The following CDK14 variants were observed in gnomAD, a reference collection of about 807,000 sequenced individuals.
CDK14 encodes cyclin-dependent kinase 14.
In CDK14, 34 loss-of-function variants were observed where a neutral mutation model predicts 60.7. The observed-to-expected ratio is 0.56, with a 90% CI of 0.43 to 0.75. CDK14 has a LOEUF of 0.75. Ranked by LOEUF, CDK14 falls within the 30% of genes least tolerant of loss-of-function variation. CDK14 has a pLI of 0.00. For missense variants in CDK14, 482 were observed against 564.1 expected, an observed-to-expected ratio of 0.85 and a Z score of 1.47; for synonymous variants, 197 against 203.7, an observed-to-expected ratio of 0.97 and a Z score of 0.28.
chr7:91,173,673 C>A (rs1198654676), intron 14 of CDK14, among the ~76,000 whole-genome samples: 11 of 152,200 alleles, frequency 7.2e-5, no homozygotes, highest in African/African-American at 2.7e-4. Flanking sequence ...AGTTCCCTTT[C>A]TGAGTCAAAG....
chr7:91,057,726 CA>C (rs1797628479), intron 11 of CDK14, among the ~76,000 whole-genome samples: 1 of 152,150 alleles, frequency 6.6e-6, no homozygotes, highest in African/African-American at 2.4e-5. Flanking sequence ...AGATATGCGA[CA>C]TTATTTCTGA....
intron 2 of CDK14, among the ~76,000 whole-genome samples, chr7:90,668,112 T>G (rs1195432503): frequency 6.6e-6 from 1 of 152,196 alleles, no homozygotes; most frequent in Admixed American, 6.5e-5. Flanking sequence ...TTTTCCAAAG[T>G]GATTGCAACA....
At chr7:90,687,441 T>C (rs1349258944) in intron 2 of CDK14, among the ~76,000 whole-genome samples, 2 of 152,084 alleles carry the variant, frequency 1.3e-5, no homozygotes, top group Non-Finnish European at 2.9e-5. Context: ...TTTAGAAGGC[T>C]ACGAAGGGTG....
chr7:91,060,334 T>C (rs924048554), intron 11 of CDK14, among the ~76,000 whole-genome samples: 2 of 151,862 alleles, frequency 1.3e-5, no homozygotes, highest in African/African-American at 4.8e-5. Context: ...AGCACACTAA[T>C]GGGTCTTGAC....
At chr7:90,797,779 C>A (rs969834465) in intron 5 of CDK14, among the ~76,000 whole-genome samples, 2 of 151,828 alleles carry the variant, frequency 1.3e-5, no homozygotes, top group African/African-American at 4.9e-5. Flanking sequence ...GTCCTATACA[C>A]TCTTAAACAA....
intron 2 of CDK14, among the ~76,000 whole-genome samples, chr7:90,657,149 A>G (rs1800769560): frequency 6.6e-6 from 1 of 152,198 alleles, no homozygotes; most frequent in Non-Finnish European, 1.5e-5. Flanking sequence ...TTCAATAGTA[A>G]GAGACTATCA....
rs1271226282 is a variant in CDK14, at chr7:90,778,842, ACCGACCTT to A, written c.465-11728_465-11721del. ...CCTTTCCTGTGGAATGTAAAAATTG[ACCGACCTT>A]CCTTCCTTCCTTCCTTCCTTCCTTC... On this transcript the variant is annotated intron_variant, in intron 4 of 14. Transcript: ENST00000380050. Among the ~76,000 whole-genome samples the A allele has an allele frequency of 5.2e-5, 7 of 134,882 alleles. 1 individual carries two copies. Among genetic ancestry groups the A allele is most frequent in the African/African-American group, 1.7e-4 (6 of 35,754 alleles). 88.5% of individuals were successfully genotyped at this position (134,882 alleles called of 152,430 possible).
chr7:90,705,764 T>G (rs1164633518), intron 2 of CDK14, among the ~76,000 whole-genome samples: 1 of 151,358 alleles, frequency 6.6e-6, no homozygotes, highest in Non-Finnish European at 1.5e-5. Flanking sequence ...TCGATTTTGA[T>G]GCTAAAAAGA....
rs372594131 is a variant in CDK14, at chr7:90,867,325, T to C, written c.639+4056T>C. Among the ~76,000 whole-genome samples the C allele has an allele frequency of 3.3e-5, 5 of 152,330 alleles. No individual in the cohort carries two copies. In the South Asian group the frequency reaches 6.2e-4, roughly 19 times the overall value. On this transcript the variant is annotated intron_variant, in intron 6 of 14. Coordinates refer to ENST00000380050, the MANE Select transcript of CDK14 (RefSeq NM_001287135.2). ...TTGTGAAAGTTCTAACAAATTTTTC[T>C]TCTACTTAAACAGAAAGTTAAGCAA...
intron 9 of CDK14, among the ~76,000 whole-genome samples, chr7:90,974,475 G>A (rs567853037): frequency 2.0e-5 from 3 of 152,234 alleles, no homozygotes; most frequent in Non-Finnish European, 4.4e-5. Context: ...CACAATTTAT[G>A]TTCTTCTGCC....
chr7:90,832,894 TCA>T (rs1183637537), intron 5 of CDK14, among the ~76,000 whole-genome samples: 1 of 152,186 alleles, frequency 6.6e-6, no homozygotes, highest in Non-Finnish European at 1.5e-5. Context: ...GATGAGAAAG[TCA>T]CATGGCTAGG....
intron 14 of CDK14, among the ~76,000 whole-genome samples, chr7:91,120,905 TA>T (rs1799764772): frequency 6.6e-6 from 1 of 152,124 alleles, no homozygotes; most frequent in African/African-American, 2.4e-5. Context: ...TGATTCAATA[TA>T]ATGCTGAGGA....
intron 6 of CDK14, among the ~76,000 whole-genome samples, chr7:90,867,604 A>G (rs573513237): frequency 9.2e-5 from 14 of 152,292 alleles, no homozygotes; most frequent in Admixed American, 3.3e-4. Flanking sequence ...TAGAATTGTG[A>G]TTACCAGGGA....
intron 2 of CDK14, among the ~76,000 whole-genome samples, chr7:90,612,121 G>A (rs918951283): frequency 6.6e-6 from 1 of 151,932 alleles, no homozygotes; most frequent in African/African-American, 2.4e-5. Context: ...GGGTGAGCCA[G>A]CACACCTGGC....
At chr7:91,115,888 T>C (rs1302245226) in intron 13 of CDK14, among the ~76,000 whole-genome samples, 1 of 152,208 alleles carries the variant, frequency 6.6e-6, no homozygotes, top group African/African-American at 2.4e-5. Context: ...TCAGGTTACA[T>C]AGTACCAAAA....
intron 2 of CDK14, among the ~76,000 whole-genome samples, chr7:90,697,474 G>A (rs1305644289): frequency 1.3e-5 from 2 of 152,168 alleles, no homozygotes; most frequent in Non-Finnish European, 2.9e-5. Context: ...GGGATTACAG[G>A]TGCGAGCTAC....
At chr7:90,792,760 T>A (rs1267655201) in intron 5 of CDK14, among the ~76,000 whole-genome samples, 1 of 152,230 alleles carries the variant, frequency 6.6e-6, no homozygotes, top group Non-Finnish European at 1.5e-5. Flanking sequence ...TTCTCTACTC[T>A]GTTAGCCGTA....
At chr7:90,671,767 G>A (rs1801102651) in intron 2 of CDK14, among the ~76,000 whole-genome samples, 1 of 152,112 alleles carries the variant, frequency 6.6e-6, no homozygotes, top group South Asian at 2.1e-4. Flanking sequence ...TATGACTGTT[G>A]TGGTTATGAA....
intron 1 of CDK14, among the ~76,000 whole-genome samples, chr7:90,601,025 T>C (rs947774692): frequency 6.6e-6 from 1 of 152,212 alleles, no homozygotes; most frequent in Admixed American, 6.5e-5. Context: ...GATTCTACCA[T>C]GAAGATTAGC....
Sources: allele counts gnomAD v4.1 joint callset (sites outside exome capture counted in the v4.1 genomes callset), GRCh38; gene constraint gnomAD v4.1.1; transcripts MANE v1.5; gene names NCBI Gene and HGNC (gene_info 2026-07-23, HGNC 2026-07-21).